Variants in MET observed in about 807,000 individuals in gnomAD.
The protein encoded by MET is MET proto-oncogene, receptor tyrosine kinase.
In MET, 48 loss-of-function variants were observed where a neutral mutation model predicts 133.1. That is an observed-to-expected ratio of 0.36 (90% CI 0.29 to 0.46). MET has a LOEUF of 0.46. Among genes scored for constraint, MET ranks in the 20% least tolerant of loss-of-function variants. The pLI, the probability that MET is intolerant of heterozygous loss-of-function variation, is 1.00. For synonymous variants in MET, 628 were observed against 616.5 expected, an observed-to-expected ratio of 1.02 and a Z score of -0.28; for missense variants, 1,442 against 1,695.9, an observed-to-expected ratio of 0.85 and a Z score of 2.63.
At chr7:116,682,042 G>A (rs1444598035) in intron 1 of MET, among the ~76,000 whole-genome samples, 2 of 151,636 alleles carry the variant, frequency 1.3e-5, no homozygotes. Flanking sequence ...ATTTTATTTC[G>A]GTCTCACTAA....
intron 11 of MET, among the ~76,000 whole-genome samples, chr7:116,764,984 C>T (rs958041666): frequency 4.6e-5 from 7 of 152,054 alleles, no homozygotes; most frequent in South Asian, 2.1e-4. Flanking sequence ...TTTATCAATA[C>T]GTTAAGTTGA....
intron 19 of MET, among the ~76,000 whole-genome samples, chr7:116,784,536 G>A (rs143849410): frequency 2.1e-3 from 319 of 152,260 alleles, no homozygotes; most frequent in African/African-American, 7.1e-3. Context: ...GGCAGGAGCA[G>A]GACCAACGGG....
intron 1 of MET, among the ~76,000 whole-genome samples, 182 bp downstream of exon 1, chr7:116,672,759 G>A (rs1420595847): frequency 1.3e-5 from 2 of 152,140 alleles, no homozygotes; most frequent in African/African-American, 2.4e-5. Flanking sequence ...CTAGAATGGG[G>A]CTTGTCTTTT....
chr7:116,767,974 ATGTG>A (rs36013546), intron 11 of MET, among the ~76,000 whole-genome samples: 3,054 of 140,136 alleles, frequency 0.022, 38 homozygotes, highest in Non-Finnish European at 0.027. Flanking sequence ...ATATATATAT[ATGTG>A]TGTGTGTGTG....
intron 5 of MET, among the ~76,000 whole-genome samples, chr7:116,754,899 GAAAGAA>G (rs1794073966): frequency 3.6e-5 from 2 of 55,892 alleles, no homozygotes; most frequent in Admixed American, 2.4e-4. Flanking sequence ...AAGAGAGAAA[GAAAGAA>G]AGAAAGAAAG....
At position 116,795,660 on chromosome 7, in the gene MET, C is replaced by G. The variant is rs764822445; in HGVS notation, c.3804C>G (p.Ser1268=). 6.8e-6 allele frequency: 11 copies of G among 1,613,700 alleles called. No homozygotes were observed. The highest frequency in any genetic ancestry group is 1.3e-5 in the African/African-American group (1 of 74,894). ...QKFTTKSDVW[S]FGVLLWELMT... ...CCTGTTTCTTGTTTTACTAGTGGTCCTTTGGCGTGCTCCTCTGGGAGCTGA... is the reference window on the plus strand; with the variant it reads ...CCTGTTTCTTGTTTTACTAGTGGTCGTTTGGCGTGCTCCTCTGGGAGCTGA... Residue 1268 remains serine (S), a synonymous_variant, in exon 20 of 21, where the codon TCC becomes TCG. Coordinates refer to ENST00000397752, the MANE Select transcript of MET (RefSeq NM_000245.4).
chr7:116,795,842 T>G, intron 20 of MET, 45 bp from the exon 21 acceptor site: 1 of 1,614,234 alleles, frequency 6.2e-7, no homozygotes, highest in Non-Finnish European at 8.5e-7. Context: ...CAGAAATGCC[T>G]GCCTTCAAAG....
intron 2 of MET, among the ~76,000 whole-genome samples, chr7:116,727,750 A>G (rs1795220206): frequency 6.6e-6 from 1 of 152,098 alleles, no homozygotes; most frequent in African/African-American, 2.4e-5. Context: ...CCCCACCTTA[A>G]ATGCCACATC....
rs771571698 is a variant in MET, at chr7:116,796,070, T to C, written c.4119T>C (p.Asp1373=). The change falls in exon 21 of 21, where the codon GAT becomes GAC. Residue 1373 remains aspartate, a synonymous_variant. Transcript: ENST00000397752. ...APYPSLLSSE[D]NADDEVDTRP... ...ATCCTTCTCTGTTGTCATCAGAAGA[T>C]AACGCTGATGATGAGGTGGACACAC... is the stretch of plus-strand genomic sequence containing the variant. 1.2e-6 allele frequency: 2 copies of C among 1,613,994 alleles called. No individual in the cohort carries two copies. Among genetic ancestry groups the C allele is most frequent in the East Asian group, 2.2e-5 (1 of 44,870 alleles).
chr7:116,688,370 C>T (rs1307492478), intron 1 of MET, among the ~76,000 whole-genome samples: 1 of 152,148 alleles, frequency 6.6e-6, no homozygotes, highest in African/African-American at 2.4e-5. Context: ...TATGTCCATC[C>T]ATTTGGCTGA....
intron 1 of MET, among the ~76,000 whole-genome samples, chr7:116,674,690 G>A (rs1315489413): frequency 3.3e-5 from 5 of 152,190 alleles, no homozygotes; most frequent in Non-Finnish European, 7.3e-5. Context: ...GGTGAGCACA[G>A]TTCCTCACAC....
chr7:116,698,040 T>C (rs1023919125), intron 1 of MET, among the ~76,000 whole-genome samples: 15 of 152,214 alleles, frequency 9.9e-5, no homozygotes, highest in African/African-American at 2.9e-4. Flanking sequence ...ATGCCTAGTA[T>C]GTTTTTAGAG....
At chr7:116,683,570 G>A (rs962183175) in intron 1 of MET, among the ~76,000 whole-genome samples, 1 of 152,094 alleles carries the variant, frequency 6.6e-6, no homozygotes, top group Non-Finnish European at 1.5e-5. Context: ...TTTAAATAAT[G>A]AATTCTTGAA....
intron 19 of MET, among the ~76,000 whole-genome samples, chr7:116,794,082 T>C (rs572724690): frequency 6.6e-6 from 1 of 152,142 alleles, no homozygotes; most frequent in East Asian, 1.9e-4. Context: ...TACTATTATC[T>C]CTTTGACTTT....
rs528808993 is a variant in MET at position 116,794,419 on chromosome 7, C to T, written c.3799-1236C>T. Among the ~76,000 whole-genome samples the T allele has an allele frequency of 4.5e-4, 69 of 152,328 alleles. 3 individuals carry two copies. Among genetic ancestry groups the T allele is most frequent in the African/African-American group, 1.6e-3 (66 of 41,574 alleles). On this transcript the variant is annotated intron_variant, in intron 19 of 20. Coordinates refer to ENST00000397752, the MANE Select transcript of MET (RefSeq NM_000245.4). ...AGACAGCAAAGTTCTGTAGCTCCCT[C>T]CTGGCAAGGGGTTTGAGTTTTCTGT... is the stretch of plus-strand genomic sequence containing the variant.
At chr7:116,724,986 A>C (rs1377449058) in intron 2 of MET, 1 of 658,750 alleles carries the variant, frequency 1.5e-6, no homozygotes, top group East Asian at 6.7e-5. Flanking sequence ...CATGCAACTC[A>C]TCAATGCCTC....
At chr7:116,779,015 C>A (rs1795076363) in intron 17 of MET, 58 bp downstream of exon 17, 1 of 1,546,252 alleles carries the variant, frequency 6.5e-7, no homozygotes, top group Non-Finnish European at 8.9e-7. Context: ...GCCATCCCTT[C>A]AAAATAGGCC....
chr7:116,672,656 C>A (rs1016016129), intron 1 of MET, 79 bp downstream of exon 1: 2 of 374,106 alleles, frequency 5.3e-6, no homozygotes, highest in East Asian at 7.7e-5. Context: ...CCCTAAGAGA[C>A]CTGACTGCTG....
At chr7:116,694,711 G>A (rs1393938014) in intron 1 of MET, among the ~76,000 whole-genome samples, 3 of 151,648 alleles carry the variant, frequency 2.0e-5, no homozygotes, top group African/African-American at 7.3e-5. Flanking sequence ...TTTTTTAGAT[G>A]GAGTCTCGCT....
Sources: gnomAD v4.1 joint callset for allele counts (sites outside exome capture counted in the v4.1 genomes callset) on GRCh38, gnomAD v4.1.1 for gene constraint, MANE v1.5 for transcripts, NCBI Gene and HGNC (gene_info 2026-07-23, HGNC 2026-07-21) for gene names.